Variants in NALF1 observed in about 807,000 individuals in gnomAD.
NALF1 encodes NALCN channel auxiliary factor 1.
A neutral mutation model predicts 48.4 loss-of-function variants in NALF1; 3 were observed. That is an observed-to-expected ratio of 0.06 (90% CI 0.03 to 0.16). The LOEUF is 0.16. Among genes scored for constraint, NALF1 ranks in the 10% least tolerant of loss-of-function variants. NALF1 has a pLI of 1.00. For synonymous variants in NALF1, 262 were observed against 245.7 expected, an observed-to-expected ratio of 1.07 and a Z score of -0.62; for missense variants, 526 against 571.5, an observed-to-expected ratio of 0.92 and a Z score of 0.81.
At chr13:107,764,742 G>C (rs1026901233) in intron 1 of NALF1, among the ~76,000 whole-genome samples, 1 of 152,116 alleles carries the variant, frequency 6.6e-6, no homozygotes, top group Non-Finnish European at 1.5e-5. Flanking sequence ...CTGTATGATT[G>C]GTGCAAACAG....
At chr13:107,338,997 G>T (rs1882616351) in intron 1 of NALF1, among the ~76,000 whole-genome samples, 1 of 152,014 alleles carries the variant, frequency 6.6e-6, no homozygotes, top group African/African-American at 2.4e-5. Context: ...AGCCGGGCGT[G>T]GTGGCAGGTG....
At chr13:107,646,934 A>G (rs1459018572) in intron 1 of NALF1, among the ~76,000 whole-genome samples, 1 of 152,094 alleles carries the variant, frequency 6.6e-6, no homozygotes, top group Admixed American at 6.6e-5. Context: ...AAGATTTGAC[A>G]TCACATCAAA....
intron 1 of NALF1, among the ~76,000 whole-genome samples, chr13:107,283,491 G>C (rs1486357230): frequency 6.6e-6 from 1 of 152,016 alleles, no homozygotes; most frequent in Non-Finnish European, 1.5e-5. Context: ...AAAAAAATAT[G>C]AGTGGCGCTT....
intron 1 of NALF1, among the ~76,000 whole-genome samples, chr13:107,791,035 T>C (rs1378929164): frequency 2.0e-5 from 3 of 152,148 alleles, no homozygotes; most frequent in Non-Finnish European, 4.4e-5. Flanking sequence ...ATTAGTCTCA[T>C]ATACTTTTTA....
At chr13:107,378,064 C>A (rs1883369926) in intron 1 of NALF1, among the ~76,000 whole-genome samples, 1 of 152,082 alleles carries the variant, frequency 6.6e-6, no homozygotes, top group African/African-American at 2.4e-5. Flanking sequence ...TTTGTGGCCC[C>A]CTCAGATTTT....
intron 1 of NALF1, among the ~76,000 whole-genome samples, chr13:107,650,786 C>A (rs1264144669): frequency 2.6e-5 from 4 of 151,752 alleles, no homozygotes; most frequent in Non-Finnish European, 1.5e-5. Context: ...ATGAATGGAG[C>A]TGGAGACTAT....
chr13:107,177,322 T>C (rs915513297), intron 2 of NALF1, among the ~76,000 whole-genome samples: 1 of 152,118 alleles, frequency 6.6e-6, no homozygotes, highest in Admixed American at 6.5e-5. Flanking sequence ...GCAATCCCTA[T>C]AAAAAAATTA....
intron 1 of NALF1, among the ~76,000 whole-genome samples, chr13:107,725,073 A>G (rs1218405618): frequency 1.3e-5 from 2 of 152,246 alleles, no homozygotes; most frequent in Non-Finnish European, 2.9e-5. Context: ...AAAAATACGA[A>G]TAAATACAAT....
chr13:107,679,587 T>G (rs1191473345), intron 1 of NALF1, among the ~76,000 whole-genome samples: 1 of 152,218 alleles, frequency 6.6e-6, no homozygotes, highest in Non-Finnish European at 1.5e-5. Flanking sequence ...ATGGAGGGCA[T>G]GCACCTTCCT....
intron 1 of NALF1, among the ~76,000 whole-genome samples, chr13:107,524,485 C>A (rs117712453): frequency 6.6e-6 from 1 of 151,854 alleles, no homozygotes; most frequent in Admixed American, 6.6e-5. Context: ...TGGTACGAAA[C>A]GGATCCACAG....
intron 1 of NALF1, among the ~76,000 whole-genome samples, chr13:107,253,822 CT>C (rs1207271872): frequency 6.6e-6 from 1 of 152,134 alleles, no homozygotes; most frequent in Non-Finnish European, 1.5e-5. Flanking sequence ...TCATTAACTT[CT>C]GCTCAAATGG....
chr13:107,241,162 C>A (rs1295207796), intron 1 of NALF1, among the ~76,000 whole-genome samples: 1 of 151,692 alleles, frequency 6.6e-6, no homozygotes, highest in Non-Finnish European at 1.5e-5. Flanking sequence ...CCACTGCACT[C>A]CAGCTTGGGC....
chr13:107,487,603 C>A (rs1322239613), intron 1 of NALF1, among the ~76,000 whole-genome samples: 1 of 152,094 alleles, frequency 6.6e-6, no homozygotes, highest in African/African-American at 2.4e-5. Context: ...CTATGTTGAA[C>A]CAACCTTGGA....
chr13:107,626,130 T>C (rs774620282), intron 1 of NALF1, among the ~76,000 whole-genome samples: 1 of 152,116 alleles, frequency 6.6e-6, no homozygotes, highest in African/African-American at 2.4e-5. Flanking sequence ...GTGACATCTA[T>C]GTCAAAGACT....
intron 2 of NALF1, 32 bp downstream of exon 2, chr13:107,210,552 A>C: frequency 6.8e-7 from 1 of 1,473,272 alleles, no homozygotes; most frequent in South Asian, 1.2e-5. Context: ...ACCACCGGAG[A>C]CTGGTGTACA....
chr13:107,732,023 G>A (rs761340747), intron 1 of NALF1, among the ~76,000 whole-genome samples: 5 of 152,136 alleles, frequency 3.3e-5, no homozygotes, highest in Non-Finnish European at 5.9e-5. Context: ...GGGCCCTGCT[G>A]TTCCAAACTG....
chr13:107,845,015 G>A (rs1451259232), intron 1 of NALF1, among the ~76,000 whole-genome samples: 2 of 152,084 alleles, frequency 1.3e-5, no homozygotes, highest in Non-Finnish European at 2.9e-5. Flanking sequence ...TTAGAGTTTT[G>A]GAAATTTACA....
At chr13:107,591,011 G>A (rs905955125) in intron 1 of NALF1, among the ~76,000 whole-genome samples, 1 of 151,916 alleles carries the variant, frequency 6.6e-6, no homozygotes, top group African/African-American at 2.4e-5. Context: ...TATAAAGACT[G>A]TTATAAAACT....
At chr13:107,240,419 AG>A (rs1248678558) in intron 1 of NALF1, among the ~76,000 whole-genome samples, 2 of 152,326 alleles carry the variant, frequency 1.3e-5, no homozygotes, top group Non-Finnish European at 2.9e-5. Context: ...TCTCTATCTC[AG>A]TTTCCTAACC....
Sources: allele counts gnomAD v4.1 joint callset (sites outside exome capture counted in the v4.1 genomes callset), GRCh38; gene constraint gnomAD v4.1.1; transcripts MANE v1.5; gene names NCBI Gene and HGNC (gene_info 2026-07-23, HGNC 2026-07-21).